Variants in CSMD1 observed in about 807,000 individuals in gnomAD.
The protein encoded by CSMD1 is CUB and Sushi multiple domains 1, also known as CUB and sushi domain-containing protein 1.
A neutral mutation model predicts 417.5 loss-of-function variants in CSMD1; 213 were observed. The observed-to-expected ratio is 0.51, with a 90% CI of 0.46 to 0.57. CSMD1 has a LOEUF of 0.57. Among genes scored for constraint, CSMD1 ranks in the 20% least tolerant of loss-of-function variants. CSMD1 has a pLI of 0.00. For missense variants in CSMD1, 6,923 were observed against 4,529.7 expected, an observed-to-expected ratio of 1.53 and a Z score of -15.17; for synonymous variants, 2,862 against 1,736.8, an observed-to-expected ratio of 1.65 and a Z score of -16.11.
intron 5 of CSMD1, among the ~76,000 whole-genome samples, chr8:3,914,789 C>T (rs955868648): frequency 6.6e-6 from 1 of 151,968 alleles, no homozygotes; most frequent in African/African-American, 2.4e-5. Context: ...GTTAATTCCT[C>T]AACAAAGATT....
intron 3 of CSMD1, among the ~76,000 whole-genome samples, chr8:4,034,389 T>C (rs1356361703): frequency 6.6e-6 from 1 of 152,214 alleles, no homozygotes; most frequent in Non-Finnish European, 1.5e-5. Context: ...CAGAAATCTG[T>C]TTGAAAACAC....
chr8:3,149,137 T>G (rs1819034531), intron 40 of CSMD1, among the ~76,000 whole-genome samples: 1 of 152,186 alleles, frequency 6.6e-6, no homozygotes, highest in South Asian at 2.1e-4. Context: ...AAATATGAAT[T>G]TAGACAATTT....
At chr8:4,003,064 G>A (rs1338878957) in intron 4 of CSMD1, among the ~76,000 whole-genome samples, 2 of 151,998 alleles carry the variant, frequency 1.3e-5, no homozygotes, top group Non-Finnish European at 2.9e-5. Flanking sequence ...CACAGCAGGG[G>A]GATATTATTT....
chr8:3,701,546 A>T (rs1281411940), intron 7 of CSMD1, among the ~76,000 whole-genome samples: 1 of 152,040 alleles, frequency 6.6e-6, no homozygotes, highest in Non-Finnish European at 1.5e-5. Flanking sequence ...TTTAACGATT[A>T]AGAGAAGATT....
intron 2 of CSMD1, among the ~76,000 whole-genome samples, chr8:4,491,930 C>T (rs878860937): frequency 6.6e-6 from 1 of 151,828 alleles, no homozygotes; most frequent in Non-Finnish European, 1.5e-5. Flanking sequence ...ATATTTATAG[C>T]AGCTTTATTC....
chr8:4,635,354 T>C (rs923371915), intron 2 of CSMD1, among the ~76,000 whole-genome samples: 1 of 152,138 alleles, frequency 6.6e-6, no homozygotes, highest in Non-Finnish European at 1.5e-5. Context: ...GTTATAATAT[T>C]GAAGATGGTA....
chr8:3,162,830 T>C lies in CSMD1; in HGVS notation c.5726-553A>G, dbSNP rs184069215. Among the ~76,000 whole-genome samples the C allele has an allele frequency of 1.5e-3, 221 of 152,284 alleles. 1 individual carries two copies. The Middle Eastern group carries it at 0.024, about 16-fold the overall frequency. On this transcript the variant is annotated intron_variant, in intron 37 of 69. Coordinates refer to ENST00000635120, the MANE Select transcript of CSMD1 (RefSeq NM_033225.6). ...TGTTCTTCATTAAACAGAAACAATA[T>C]TTACAGAACCTAAAGCTGTAATCCT...
At chr8:4,045,328 C>A (rs1459537914) in intron 3 of CSMD1, among the ~76,000 whole-genome samples, 1 of 152,134 alleles carries the variant, frequency 6.6e-6, no homozygotes, top group East Asian at 1.9e-4. Flanking sequence ...GTAAAAGGAC[C>A]ATCAATTGTG....
chr8:3,204,427 T>A (rs1339348044), intron 31 of CSMD1, among the ~76,000 whole-genome samples: 1 of 152,148 alleles, frequency 6.6e-6, no homozygotes, highest in Non-Finnish European at 1.5e-5. Flanking sequence ...TTCATTCAAA[T>A]TCAGAATTAA....
intron 6 of CSMD1, among the ~76,000 whole-genome samples, chr8:3,712,394 GAGAGAGACAGACAGACAGACAGACAGAC>G (rs1413167284): frequency 2.6e-5 from 2 of 78,360 alleles, no homozygotes; most frequent in Non-Finnish European, 5.5e-5. Context: ...GAGAGAGAGA[GAGAGAGACAGACAGACAGACAGACAGAC>G]AGACAGACAG....
intron 41 of CSMD1, among the ~76,000 whole-genome samples, chr8:3,139,066 G>C (rs977441246): frequency 4.6e-5 from 7 of 152,278 alleles, no homozygotes; most frequent in African/African-American, 7.2e-5. Context: ...TTAGTGAGAT[G>C]GGGGCACTGG....
At chr8:4,439,961 A>G (rs536906909) in intron 2 of CSMD1, among the ~76,000 whole-genome samples, 6 of 152,284 alleles carry the variant, frequency 3.9e-5, no homozygotes, top group Admixed American at 3.3e-4. Context: ...ATGAATTAAG[A>G]TCCTGGCCTG....
In CSMD1 at chr8:2,936,613, T is replaced by C. The variant is rs1801504936; in HGVS notation, c.*1972A>G. On this transcript the variant is annotated 3_prime_UTR_variant, in exon 70 of 70. Transcript: ENST00000635120. Reference sequence around the variant, plus strand: ...TGGCCAGGGAAAACTGTGCAGAGAATTCAGCATAATGATACAGAATCCAAC... The same window carrying C: ...TGGCCAGGGAAAACTGTGCAGAGAACTCAGCATAATGATACAGAATCCAAC... 1 of 152,050 alleles carries C rather than the reference T, an allele frequency of 6.6e-6. No homozygotes were observed. The highest frequency in any genetic ancestry group is 2.4e-5 in the African/African-American group (1 of 41,382). The allele number at this position is 152,050 out of a possible 1,614,324, so 9.4% of individuals were successfully genotyped here.
intron 12 of CSMD1, among the ~76,000 whole-genome samples, chr8:3,426,789 G>GCCCA (rs930624785): frequency 3.9e-5 from 6 of 152,162 alleles, no homozygotes; most frequent in African/African-American, 1.4e-4. Context: ...AATGGGTTGT[G>GCCCA]CCCAGTTAGT....
At chr8:4,645,585 G>C (rs1269146388) in intron 1 of CSMD1, among the ~76,000 whole-genome samples, 1 of 151,972 alleles carries the variant, frequency 6.6e-6, no homozygotes, top group Non-Finnish European at 1.5e-5. Context: ...TTCCACAGGT[G>C]CGGGATGACG....
chr8:3,772,373 A>G (rs1798633466), intron 5 of CSMD1, among the ~76,000 whole-genome samples: 1 of 136,520 alleles, frequency 7.3e-6, no homozygotes, highest in Admixed American at 7.4e-5. Context: ...ACATATATAC[A>G]TATATTCATA....
intron 3 of CSMD1, among the ~76,000 whole-genome samples, chr8:4,320,978 T>C (rs1205748275): frequency 1.3e-5 from 2 of 152,166 alleles, no homozygotes; most frequent in Non-Finnish European, 2.9e-5. Flanking sequence ...AGTTTCAGCA[T>C]TGCCTCCTTA....
At chr8:4,522,577 C>G (rs74500491) in intron 2 of CSMD1, among the ~76,000 whole-genome samples, 1 of 152,308 alleles carries the variant, frequency 6.6e-6, no homozygotes, top group East Asian at 1.9e-4. Flanking sequence ...CAATAATTTT[C>G]AAAACCTGTC....
At chr8:3,617,910 T>C (rs144694406) in intron 7 of CSMD1, among the ~76,000 whole-genome samples, 6 of 152,266 alleles carry the variant, frequency 3.9e-5, no homozygotes, top group African/African-American at 1.2e-4. Context: ...AATAATTCCG[T>C]GAGAAGAAAA....
Sources: gnomAD v4.1 joint callset for allele counts (sites outside exome capture counted in the v4.1 genomes callset) on GRCh38, gnomAD v4.1.1 for gene constraint, MANE v1.5 for transcripts, NCBI Gene and HGNC (gene_info 2026-07-23, HGNC 2026-07-21) for gene names.